The following ADAMTS16 variants were observed in gnomAD, a reference collection of about 807,000 sequenced individuals.
The protein encoded by ADAMTS16 is A disintegrin and metalloproteinase with thrombospondin motifs 16.
In ADAMTS16, 94 loss-of-function variants were observed where a neutral mutation model predicts 145.8. The ratio of observed to expected loss-of-function variants is 0.64; its 90% CI spans 0.55 to 0.77. The LOEUF (loss-of-function observed/expected upper bound fraction) is 0.77, where lower values mean the gene tolerates loss of function less well. Ranked by LOEUF, ADAMTS16 falls within the 30% of genes least tolerant of loss-of-function variation. The pLI, the probability that ADAMTS16 is intolerant of heterozygous loss-of-function variation, is 0.00. For missense variants in ADAMTS16, 1,585 were observed against 1,591.5 expected (o/e 1.00, Z 0.07); for synonymous variants, 659 against 604.3 (o/e 1.09, Z -1.33).
intron 3 of ADAMTS16, among the ~76,000 whole-genome samples, chr5:5,172,204 G>A (rs60917975): frequency 0.03 from 4,506 of 151,852 alleles, 233 homozygotes; most frequent in African/African-American, 0.1. Context: ...CCAACTTTTC[G>A]TTTTATTGAT....
intron 17 of ADAMTS16, among the ~76,000 whole-genome samples, chr5:5,242,730 T>C (rs1278318119): frequency 1.3e-5 from 2 of 152,218 alleles, no homozygotes; most frequent in Admixed American, 6.5e-5. Context: ...CACATGTCAA[T>C]TGAGTGCCTT....
At chr5:5,202,167 G>A (rs1579307304) in intron 9 of ADAMTS16, among the ~76,000 whole-genome samples, 2 of 152,014 alleles carry the variant, frequency 1.3e-5, no homozygotes, top group African/African-American at 2.4e-5. Context: ...TCCCAGCCAG[G>A]ATTTTGATCA....
intron 12 of ADAMTS16, among the ~76,000 whole-genome samples, chr5:5,234,109 C>A (rs181912359): frequency 1.3e-5 from 2 of 152,304 alleles, no homozygotes; most frequent in African/African-American, 2.4e-5. Flanking sequence ...TTGTTTCAGT[C>A]CCATCTTTAA....
intron 18 of ADAMTS16, among the ~76,000 whole-genome samples, chr5:5,288,724 A>G (rs185589829): frequency 6.6e-6 from 1 of 152,330 alleles, no homozygotes; most frequent in East Asian, 1.9e-4. Flanking sequence ...AGAGCTAAGG[A>G]ACATTAAATT....
intron 18 of ADAMTS16, among the ~76,000 whole-genome samples, chr5:5,277,557 A>G (rs192366367): frequency 6.6e-6 from 1 of 152,318 alleles, no homozygotes; most frequent in Admixed American, 6.5e-5. Flanking sequence ...TCCATGCAAG[A>G]ATTCCTCTCT....
intron 18 of ADAMTS16, among the ~76,000 whole-genome samples, chr5:5,265,790 G>A (rs555215846): frequency 6.6e-6 from 1 of 152,296 alleles, no homozygotes; most frequent in Non-Finnish European, 1.5e-5. Context: ...TCCAGTTGGT[G>A]TTGACATCAC....
intron 20 of ADAMTS16, 87 bp from the exon 21 acceptor site, chr5:5,306,417 C>G: frequency 8.8e-7 from 1 of 1,140,658 alleles, no homozygotes; most frequent in South Asian, 1.5e-5. Context: ...TATAAATGTT[C>G]AAGCAGATAT....
chr5:5,250,734 TGTGC>T (rs1737598440), intron 17 of ADAMTS16, among the ~76,000 whole-genome samples: 1 of 147,156 alleles, frequency 6.8e-6, no homozygotes, highest in African/African-American at 2.5e-5. Context: ...TGTGTGTGTG[TGTGC>T]GCGCACTCCT....
At chr5:5,220,222 C>T (rs1035518545) in intron 10 of ADAMTS16, among the ~76,000 whole-genome samples, 1 of 146,900 alleles carries the variant, frequency 6.8e-6, no homozygotes, top group Non-Finnish European at 1.5e-5. Flanking sequence ...TACAGTGGTG[C>T]CATCTCGGCT....
intron 18 of ADAMTS16, among the ~76,000 whole-genome samples, chr5:5,281,370 A>G (rs1038072594): frequency 1.3e-5 from 2 of 152,238 alleles, no homozygotes; most frequent in Non-Finnish European, 2.9e-5. Flanking sequence ...CCTTATATCA[A>G]AATAAATCTC....
Position 5,206,220 on chromosome 5 carries a change from A to T in ADAMTS16, c.1452-2873A>T, listed in dbSNP as rs193152728. 2.8e-3 allele frequency among the ~76,000 whole-genome samples: 419 copies of T among 150,522 alleles called. 3 individuals carry two copies. The highest frequency in any genetic ancestry group is 9.9e-3 in the African/African-American group (406 of 40,938). On this transcript the variant is annotated intron_variant, in intron 9 of 22. Transcript: ENST00000274181. ...GGCGGGCGGATCACGAGGTCAGGAGATCGAGACCATCCCGGCTAACACGGT... is the reference window on the plus strand; with the variant it reads ...GGCGGGCGGATCACGAGGTCAGGAGTTCGAGACCATCCCGGCTAACACGGT...
At chr5:5,309,873 G>T (rs1232150844) in intron 21 of ADAMTS16, among the ~76,000 whole-genome samples, 1 of 149,906 alleles carries the variant, frequency 6.7e-6, no homozygotes, top group Non-Finnish European at 1.5e-5. Flanking sequence ...ATCAGAAGAG[G>T]GAGAGGCGCT....
At chr5:5,184,918 A>T (rs1233829047) in intron 4 of ADAMTS16, among the ~76,000 whole-genome samples, 1 of 152,086 alleles carries the variant, frequency 6.6e-6, no homozygotes, top group East Asian at 1.9e-4. Flanking sequence ...GAGTTCTAGG[A>T]CCACACTGTC....
chr5:5,156,770 T>C (rs1461383773), intron 3 of ADAMTS16, among the ~76,000 whole-genome samples: 2 of 152,198 alleles, frequency 1.3e-5, no homozygotes, highest in Non-Finnish European at 2.9e-5. Flanking sequence ...CAGTCTAAGT[T>C]TGGCTACTCT....
At chr5:5,157,755 G>T (rs1368765695) in intron 3 of ADAMTS16, among the ~76,000 whole-genome samples, 1 of 152,110 alleles carries the variant, frequency 6.6e-6, no homozygotes, top group African/African-American at 2.4e-5. Context: ...GTGAAAAAAA[G>T]CAAGAGCTTT....
chr5:5,144,747 T>C (rs4336337), intron 2 of ADAMTS16, among the ~76,000 whole-genome samples: 82,621 of 152,018 alleles, frequency 0.54, 23,041 homozygotes, highest in South Asian at 0.65. Context: ...TTTAGAAGGC[T>C]ATACATCTCC....
chr5:5,282,731 T>C (rs1364122725), intron 18 of ADAMTS16, among the ~76,000 whole-genome samples: 1 of 152,204 alleles, frequency 6.6e-6, no homozygotes, highest in Non-Finnish European at 1.5e-5. Flanking sequence ...ATAATCTTTC[T>C]GAAATTTTGG....
At position 5,303,651 on chromosome 5, in the gene ADAMTS16, T is replaced by C; in HGVS notation, c.3071T>C (p.Leu1024Pro). Reference sequence around the variant, plus strand: ...ACCAACCCCTCGGCCAGAGCGCAGCTGCTGCCCGACGCTGTCTGCACCTCC... The same window carrying C: ...ACCAACCCCTCGGCCAGAGCGCAGCCGCTGCCCGACGCTGTCTGCACCTCC... ...KSTNPSARAQ[L>P]LPDAVCTSEP... is the part of the protein sequence containing the mutation. The change falls in exon 20 of 23, where the codon CTG becomes CCG. Residue 1024 changes from leucine (L) to proline (P), a missense_variant. This residue lies in a region of ADAMTS16 where 834 missense variants were observed against 811.7 expected (regional missense o/e 1.03). Coordinates refer to ENST00000274181, the MANE Select transcript of ADAMTS16 (RefSeq NM_139056.4). The C allele has an allele frequency of 6.2e-7, 1 of 1,614,022 alleles. No homozygotes were observed. The highest frequency in any genetic ancestry group is 1.1e-5 in the South Asian group (1 of 91,082).
chr5:5,213,757 A>C (rs1736340070), intron 10 of ADAMTS16, among the ~76,000 whole-genome samples: 1 of 152,102 alleles, frequency 6.6e-6, no homozygotes, highest in African/African-American at 2.4e-5. Flanking sequence ...GTGTGAGCCA[A>C]AACTCTAGTT....
Sources: gnomAD v4.1 joint callset for allele counts (sites outside exome capture counted in the v4.1 genomes callset) on GRCh38, gnomAD v4.1.1 for gene constraint, gnomAD v4.1.1 regional missense constraint, MANE v1.5 for transcripts, NCBI Gene and HGNC (gene_info 2026-07-23, HGNC 2026-07-21) for gene names.